Variants in NDRG3 observed in about 807,000 individuals in gnomAD.
NDRG3 encodes the protein protein NDRG3.
Under a neutral mutation model 57.2 loss-of-function variants are expected in NDRG3, and 23 were observed. The observed-to-expected ratio is 0.40, with a 90% confidence interval of 0.29 to 0.57. The LOEUF (loss-of-function observed/expected upper bound fraction) is 0.57. NDRG3 is among the 20% of genes least tolerant of loss of function. The pLI is 0.42. For synonymous variants in NDRG3, 132 were observed against 162.6 expected, an observed-to-expected ratio of 0.81 and a Z score of 1.43; for missense variants, 384 against 457.3, an observed-to-expected ratio of 0.84 and a Z score of 1.46.
intron 1 of NDRG3, among the ~76,000 whole-genome samples, chr20:36,729,273 T>C (rs779912138): frequency 6.6e-6 from 1 of 152,090 alleles, no homozygotes; most frequent in Non-Finnish European, 1.5e-5. Flanking sequence ...GCTAAGGGCA[T>C]AGAGGATGTG....
At chr20:36,719,425 CAA>C (rs542067369) in intron 2 of NDRG3, among the ~76,000 whole-genome samples, 18 of 71,188 alleles carry the variant, frequency 2.5e-4, no homozygotes, top group Admixed American at 4.6e-4. Flanking sequence ...GACTCCGTTT[CAA>C]AAAAAAAAAA....
At chr20:36,705,365 A>G (rs1180481505) in intron 3 of NDRG3, among the ~76,000 whole-genome samples, 1 of 151,782 alleles carries the variant, frequency 6.6e-6, no homozygotes, top group African/African-American at 2.4e-5. Context: ...AAGAAAAAAA[A>G]CCCATCTTGT....
At chr20:36,716,640 T>G (rs1984298156) in intron 2 of NDRG3, among the ~76,000 whole-genome samples, 1 of 152,236 alleles carries the variant, frequency 6.6e-6, no homozygotes, top group Non-Finnish European at 1.5e-5. Flanking sequence ...CTTTCTGCTA[T>G]TTCCTCAATT....
chr20:36,683,799 C>G (rs946777767), intron 6 of NDRG3, among the ~76,000 whole-genome samples: 3 of 151,876 alleles, frequency 2.0e-5, no homozygotes, highest in Non-Finnish European at 4.4e-5. Context: ...TGGAGTCTAT[C>G]TCCAGAATAT....
At chr20:36,714,592 G>A (rs1255826327) in intron 2 of NDRG3, among the ~76,000 whole-genome samples, 3 of 149,060 alleles carry the variant, frequency 2.0e-5, no homozygotes, top group Non-Finnish European at 3.0e-5. Flanking sequence ...GTGCCATCAT[G>A]CCTGGCTAAT....
At chr20:36,711,951 T>G (rs558862384) in intron 2 of NDRG3, among the ~76,000 whole-genome samples, 1 of 152,282 alleles carries the variant, frequency 6.6e-6, no homozygotes, top group East Asian at 1.9e-4. Context: ...GGCTAATTTT[T>G]TGTATTTTTA....
intron 8 of NDRG3, among the ~76,000 whole-genome samples, chr20:36,674,595 C>CTTT (rs561643631): frequency 5.1e-5 from 6 of 116,834 alleles, no homozygotes; most frequent in African/African-American, 1.3e-4. Context: ...ATCAATAAAG[C>CTTT]TTTTTTTTTT....
chr20:36,658,621 G>A (rs921168923), intron 13 of NDRG3, among the ~76,000 whole-genome samples: 1 of 152,178 alleles, frequency 6.6e-6, no homozygotes, highest in African/African-American at 2.4e-5. Flanking sequence ...AGCAACATAC[G>A]ATCGGCATTG....
intron 9 of NDRG3, among the ~76,000 whole-genome samples, chr20:36,667,172 T>C (rs932091604): frequency 6.6e-5 from 10 of 152,344 alleles, no homozygotes; most frequent in Admixed American, 2.6e-4. Flanking sequence ...TACCTATCTA[T>C]ATATACCACC....
At chr20:36,734,619 T>C (rs1985514754) in intron 1 of NDRG3, among the ~76,000 whole-genome samples, 1 of 152,122 alleles carries the variant, frequency 6.6e-6, no homozygotes, top group African/African-American at 2.4e-5. Flanking sequence ...GCTTATGAAC[T>C]GGACAAACTC....
intron 3 of NDRG3, among the ~76,000 whole-genome samples, chr20:36,695,282 C>T (rs544130970): frequency 1.3e-4 from 20 of 152,134 alleles, no homozygotes; most frequent in South Asian, 4.1e-4. Context: ...ACAAATTGTT[C>T]GTAGAGCATG....
chr20:36,693,467 G>C (rs1267305097), intron 3 of NDRG3, among the ~76,000 whole-genome samples: 1 of 151,432 alleles, frequency 6.6e-6, no homozygotes, highest in African/African-American at 2.4e-5. Flanking sequence ...CACATATTTT[G>C]TATGTTATAT....
intron 6 of NDRG3, among the ~76,000 whole-genome samples, 200 bp from the exon 7 acceptor site, chr20:36,682,778 G>A (rs763187374): frequency 4.6e-5 from 7 of 152,116 alleles, no homozygotes; most frequent in East Asian, 1.9e-4. Context: ...TCAGCTGGGC[G>A]CAGTGGCTTA....
At chr20:36,733,168 AAAAATATATATATATATATATAT>A (rs1340631609) in intron 1 of NDRG3, among the ~76,000 whole-genome samples, 26 of 32,726 alleles carry the variant, frequency 7.9e-4, no homozygotes, top group Middle Eastern at 0.022. Flanking sequence ...AAAAAAAAAA[AAAAATATATATATATATATATAT>A]ATATATATAT....
At chr20:36,672,456 A>G (rs1315806502) in intron 8 of NDRG3, among the ~76,000 whole-genome samples, 1 of 152,240 alleles carries the variant, frequency 6.6e-6, no homozygotes, top group Non-Finnish European at 1.5e-5. Context: ...GAGTAGGATC[A>G]TATAGTTCCA....
At chr20:36,660,009 C>T (rs557414626) in intron 13 of NDRG3, among the ~76,000 whole-genome samples, 1 of 151,922 alleles carries the variant, frequency 6.6e-6, no homozygotes, top group African/African-American at 2.4e-5. Flanking sequence ...GAGATCGAGA[C>T]CACCCTGGCT....
At chr20:36,657,386 G>A (rs1351701500) in intron 13 of NDRG3, among the ~76,000 whole-genome samples, 1 of 151,914 alleles carries the variant, frequency 6.6e-6, no homozygotes, top group African/African-American at 2.4e-5. Context: ...TACTCTGGAG[G>A]CTGACACAGA....
Position 36,684,485 on chromosome 20 carries a change from A to C in NDRG3, c.321-10T>G. On this transcript the variant is annotated splice_polypyrimidine_tract_variant and intron_variant, in intron 5 of 15. Coordinates refer to ENST00000349004, the MANE Select transcript of NDRG3 (RefSeq NM_032013.4). ...TGTGGGGTACTGATACCTGCAATCCAGAAGGATATCTCCTGAATTAGAAAG... is the reference window on the plus strand; with the variant it reads ...TGTGGGGTACTGATACCTGCAATCCCGAAGGATATCTCCTGAATTAGAAAG... 1 of 1,612,116 alleles carries C rather than the reference A, an allele frequency of 6.2e-7. No homozygotes were observed. Among genetic ancestry groups the C allele is most frequent in the Non-Finnish European group, 8.5e-7 (1 of 1,178,202 alleles).
chr20:36,705,649 AT>A (rs1983509985), intron 3 of NDRG3, among the ~76,000 whole-genome samples: 1 of 152,144 alleles, frequency 6.6e-6, no homozygotes, highest in African/African-American at 2.4e-5. Context: ...TGTTACTGCT[AT>A]GGCATCTATC....
Sources: allele counts gnomAD v4.1 joint callset (sites outside exome capture counted in the v4.1 genomes callset), GRCh38; gene constraint gnomAD v4.1.1; transcripts MANE v1.5; gene names NCBI Gene and HGNC (gene_info 2026-07-23, HGNC 2026-07-21).